HDAC9: variants seen among roughly 807,000 people sequenced by gnomAD.
HDAC9 encodes the protein MEF-2 interacting transcription repressor (MITR) protein.
Under a neutral mutation model 139.4 loss-of-function variants are expected in HDAC9, and 41 were observed. The ratio of observed to expected loss-of-function variants is 0.29; its 90% CI spans 0.23 to 0.38. HDAC9 has a LOEUF of 0.38. HDAC9 is among the 10% of genes least tolerant of loss of function. The pLI, the probability that HDAC9 is intolerant of heterozygous loss-of-function variation, is 1.00. For synonymous variants in HDAC9, 517 were observed against 476.2 expected, an observed-to-expected ratio of 1.09 and a Z score of -1.12; for missense variants, 1,147 against 1,297.0, an observed-to-expected ratio of 0.88 and a Z score of 1.78.
intron 2 of HDAC9, among the ~76,000 whole-genome samples, chr7:18,505,138 C>G (rs968497618): frequency 5.9e-5 from 9 of 152,148 alleles, no homozygotes; most frequent in African/African-American, 1.7e-4. Context: ...TGAGCGTGCT[C>G]TTTTCCTTGG....
chr7:18,655,840 A>G (rs568828254), intron 11 of HDAC9, among the ~76,000 whole-genome samples: 90 of 152,242 alleles, frequency 5.9e-4, no homozygotes, highest in Middle Eastern at 3.4e-3. Context: ...GGGGAAGAAA[A>G]ATATCTGGGG....
At chr7:18,919,763 C>T (rs1334549814) in intron 22 of HDAC9, among the ~76,000 whole-genome samples, 1 of 151,800 alleles carries the variant, frequency 6.6e-6, no homozygotes, top group Non-Finnish European at 1.5e-5. Context: ...CAAAATCTGA[C>T]TGTCTTTTAT....
intron 2 of HDAC9, among the ~76,000 whole-genome samples, chr7:18,256,713 C>T (rs1027374902): frequency 6.6e-6 from 1 of 152,120 alleles, no homozygotes; most frequent in Non-Finnish European, 1.5e-5. Context: ...TTTTCTGTTT[C>T]TTAAAAGTTG....
intron 22 of HDAC9, among the ~76,000 whole-genome samples, chr7:18,930,875 T>C (rs147507304): frequency 1.8e-4 from 28 of 152,316 alleles, no homozygotes; most frequent in Admixed American, 5.2e-4. Context: ...CCATCTAAAT[T>C]TGGCATTTTA....
At chr7:18,801,826 A>G (rs1412406768) in intron 17 of HDAC9, among the ~76,000 whole-genome samples, 2 of 151,992 alleles carry the variant, frequency 1.3e-5, no homozygotes, top group African/African-American at 4.8e-5. Flanking sequence ...TGACATTTAC[A>G]TATTGGAGCC....
At chr7:18,351,676 T>TA (rs1013235796) in intron 1 of HDAC9, among the ~76,000 whole-genome samples, 6 of 152,056 alleles carry the variant, frequency 3.9e-5, no homozygotes, top group African/African-American at 1.4e-4. Flanking sequence ...GCCTCATCTG[T>TA]AAAAAAAGGT....
intron 2 of HDAC9, among the ~76,000 whole-genome samples, chr7:18,542,163 G>A (rs1813203472): frequency 1.3e-5 from 2 of 152,120 alleles, no homozygotes; most frequent in African/African-American, 4.8e-5. Context: ...ACGAACCACT[G>A]ATCTCGATGT....
At chr7:18,929,988 CTA>C (rs1254948201) in intron 22 of HDAC9, among the ~76,000 whole-genome samples, 1 of 152,000 alleles carries the variant, frequency 6.6e-6, no homozygotes, top group African/African-American at 2.4e-5. Context: ...AAACCAACAC[CTA>C]TAAAGTATAC....
chr7:18,860,067 C>T (rs1346674887), intron 21 of HDAC9, among the ~76,000 whole-genome samples: 1 of 151,488 alleles, frequency 6.6e-6, no homozygotes, highest in Non-Finnish European at 1.5e-5. Flanking sequence ...CTAAGCTACA[C>T]ACTGCACCCC....
chr7:18,190,876 ACTC>A (rs1204360738), intron 2 of HDAC9, among the ~76,000 whole-genome samples: 1 of 151,576 alleles, frequency 6.6e-6, no homozygotes, highest in Admixed American at 6.6e-5. Context: ...ACCTTTGTAA[ACTC>A]CTACCTTTGT....
chr7:18,223,523 C>G (rs1792849001), intron 2 of HDAC9, among the ~76,000 whole-genome samples: 1 of 151,882 alleles, frequency 6.6e-6, no homozygotes, highest in Non-Finnish European at 1.5e-5. Flanking sequence ...CAAGGCTACA[C>G]CGTTTTAAAT....
At chr7:18,447,765 T>G (rs1234998423) in intron 1 of HDAC9, among the ~76,000 whole-genome samples, 3 of 152,216 alleles carry the variant, frequency 2.0e-5, no homozygotes, top group African/African-American at 7.2e-5. Flanking sequence ...TGAATTTGAT[T>G]GCTTAAAAAC....
chr7:18,741,238 G>A (rs1208580112), intron 13 of HDAC9, among the ~76,000 whole-genome samples: 1 of 152,228 alleles, frequency 6.6e-6, no homozygotes, highest in African/African-American at 2.4e-5. Context: ...TTAAGAGATA[G>A]AGAGAAATAG....
intron 6 of HDAC9, among the ~76,000 whole-genome samples, chr7:18,617,730 T>C (rs537412797): frequency 6.6e-6 from 1 of 152,188 alleles, no homozygotes; most frequent in African/African-American, 2.4e-5. Context: ...CTATTTATTA[T>C]TGTATCCCCA....
chr7:18,488,870 T>C (rs1796162856), intron 1 of HDAC9, among the ~76,000 whole-genome samples: 1 of 152,038 alleles, frequency 6.6e-6, no homozygotes, highest in African/African-American at 2.4e-5. Flanking sequence ...CACTGGTTGG[T>C]CTATGTTGTG....
intron 25 of HDAC9, among the ~76,000 whole-genome samples, chr7:18,988,499 G>T (rs948869682): frequency 6.6e-6 from 1 of 151,496 alleles, no homozygotes; most frequent in African/African-American, 2.4e-5. Context: ...GGTCAATTTT[G>T]GAATAGGTGT....
chr7:18,595,857 C>T (rs1025261029), intron 6 of HDAC9, among the ~76,000 whole-genome samples: 5 of 152,016 alleles, frequency 3.3e-5, no homozygotes, highest in African/African-American at 9.7e-5. Flanking sequence ...TACTTTGTGT[C>T]CCACTGTTGC....
intron 12 of HDAC9, among the ~76,000 whole-genome samples, chr7:18,705,890 G>C (rs773219859): frequency 6.9e-6 from 1 of 144,062 alleles, no homozygotes; most frequent in Admixed American, 7.2e-5. Flanking sequence ...AAAAGAAATG[G>C]TTCAGACCCA....
chr7:18,951,145 A>T lies in HDAC9; in HGVS notation c.2938-3001A>T, dbSNP rs1438520327. 7.2e-5 allele frequency among the ~76,000 whole-genome samples: 11 copies of T among 152,130 alleles called. No individual in the cohort carries two copies. The East Asian group carries it at 9.7e-4, about 13-fold the overall frequency. On this transcript the variant is annotated intron_variant, in intron 23 of 25. Transcript: ENST00000686413. ...TAGGCAACTAAAATGATTTTTGACGATTTAAATGATCTGATTCTAAAGAAC... is the reference window on the plus strand; with the variant it reads ...TAGGCAACTAAAATGATTTTTGACGTTTTAAATGATCTGATTCTAAAGAAC...
Sources: allele counts gnomAD v4.1 joint callset (sites outside exome capture counted in the v4.1 genomes callset), GRCh38; gene constraint gnomAD v4.1.1; transcripts MANE v1.5; gene names NCBI Gene and HGNC (gene_info 2026-07-23, HGNC 2026-07-21).